The following PPP1R14D variants were observed in gnomAD, a reference collection of about 807,000 sequenced individuals.
The protein encoded by PPP1R14D is protein phosphatase 1 regulatory inhibitor subunit 14D.
Under a neutral mutation model 17.1 loss-of-function variants are expected in PPP1R14D, and 14 were observed. The ratio of observed to expected loss-of-function variants is 0.82; its 90% CI spans 0.54 to 1.28. The LOEUF (loss-of-function observed/expected upper bound fraction) is 1.28. Among genes scored for constraint, PPP1R14D ranks in the 50% most tolerant of loss-of-function variants. The probability of loss-of-function intolerance (pLI) is 0.00; values close to 1 mark genes in which losing one functional copy is unlikely to be tolerated. For missense variants in PPP1R14D, 173 were observed against 179.2 expected (o/e 0.97, Z 0.20); for synonymous variants, 67 against 66.1 (o/e 1.01, Z -0.06).
At chr15:40,821,335 AAAAC>A (rs554544484) in intron 1 of PPP1R14D, among the ~76,000 whole-genome samples, 137 of 152,202 alleles carry the variant, frequency 9.0e-4, no homozygotes, top group Non-Finnish European at 1.0e-3. Context: ...AGTCTGTCTC[AAAAC>A]AAACAAACAA....
chr15:40,827,923 A>AAAAC (rs1454221226), intron 1 of PPP1R14D, among the ~76,000 whole-genome samples: 1 of 150,870 alleles, frequency 6.6e-6, no homozygotes, highest in Non-Finnish European at 1.5e-5. Context: ...CTTTGTCTCA[A>AAAAC]AAACAAACAA....
intron 1 of PPP1R14D, among the ~76,000 whole-genome samples, chr15:40,826,265 A>T (rs1890867485): frequency 6.6e-6 from 1 of 152,086 alleles, no homozygotes; most frequent in Non-Finnish European, 1.5e-5. Context: ...CACAACAATC[A>T]TTCTTCACCA....
chr15:40,816,311 G>C, intron 1 of PPP1R14D, 58 bp from the exon 2 acceptor site: 1 of 1,444,028 alleles, frequency 6.9e-7, no homozygotes, highest in South Asian at 1.1e-5. Flanking sequence ...TGGAATGAAG[G>C]TTACTGTCAG....
chr15:40,823,716 G>A (rs1596128622), intron 1 of PPP1R14D, among the ~76,000 whole-genome samples: 1 of 152,122 alleles, frequency 6.6e-6, no homozygotes, highest in Non-Finnish European at 1.5e-5. Flanking sequence ...GCCTACATGT[G>A]TGGTAGGCTA....
Position 40,815,506 on chromosome 15 carries a change from C to T in PPP1R14D, c.*190G>A. 1 of 700,138 alleles carries T rather than the reference C, an allele frequency of 1.4e-6. No individual in the cohort carries two copies. Among genetic ancestry groups the T allele is most frequent in the Non-Finnish European group, 2.3e-6 (1 of 431,612 alleles). 43.4% of individuals were successfully genotyped at this position (700,138 alleles called of 1,614,324 possible). A position where few individuals can be genotyped will look rare whatever the true frequency, so the allele number is the denominator to read the frequency against. The stretch of plus-strand genomic sequence containing the variant: ...TGCCAAGGAAGGCATTGGACAACAG[C>T]CAGCTTTCTCCCAGAGAGCCCAGCT... On this transcript the variant is annotated 3_prime_UTR_variant, in exon 4 of 4. Transcript: ENST00000299174.
At chr15:40,826,142 C>T (rs1596130131) in intron 1 of PPP1R14D, among the ~76,000 whole-genome samples, 1 of 152,302 alleles carries the variant, frequency 6.6e-6, no homozygotes, top group East Asian at 1.9e-4. Context: ...TCCAAGGGGT[C>T]TCCCTACCCT....
Position 40,821,468 on chromosome 15 carries a change from A to C in PPP1R14D, c.256-5215T>G, listed in dbSNP as rs185093303. Reference sequence around the variant, plus strand: ...GAAAAAAAAAAGGTCAGTTGAAGATATAGCAAATGAAATGAGCCAAAATGA... The same window carrying C: ...GAAAAAAAAAAGGTCAGTTGAAGATCTAGCAAATGAAATGAGCCAAAATGA... On this transcript the variant is annotated intron_variant, in intron 1 of 3. Transcript: ENST00000299174. Among the ~76,000 whole-genome samples the C allele has an allele frequency of 3.3e-3, 503 of 152,296 alleles. 3 individuals carry two copies. The highest frequency in any genetic ancestry group is 0.012 in the African/African-American group (487 of 41,558).
chr15:40,818,954 C>G (rs796517379), intron 1 of PPP1R14D, among the ~76,000 whole-genome samples: 9 of 152,012 alleles, frequency 5.9e-5, no homozygotes, highest in African/African-American at 2.2e-4. Context: ...ACATATGTGG[C>G]GGCAGGGAGA....
chr15:40,827,875 T>C (rs1890895869), intron 1 of PPP1R14D, among the ~76,000 whole-genome samples: 2 of 152,028 alleles, frequency 1.3e-5, no homozygotes, highest in South Asian at 2.1e-4. Flanking sequence ...TGAGCTGAGA[T>C]TGCACTACTG....
chr15:40,824,070 T>C (rs994907023), intron 1 of PPP1R14D, among the ~76,000 whole-genome samples: 4 of 150,384 alleles, frequency 2.7e-5, no homozygotes, highest in African/African-American at 9.8e-5. Context: ...GTCCAAATAC[T>C]CTTGCCCTCA....
intron 1 of PPP1R14D, among the ~76,000 whole-genome samples, chr15:40,821,954 C>T (rs986567617): frequency 6.6e-6 from 1 of 151,870 alleles, no homozygotes. Context: ...ACAAAACACA[C>T]TCTAATGATT....
intron 3 of PPP1R14D, 43 bp from the exon 4 acceptor site, chr15:40,815,804 TC>T: frequency 6.4e-7 from 1 of 1,553,696 alleles, no homozygotes; most frequent in Non-Finnish European, 8.8e-7. Context: ...GGGTCACAAT[TC>T]ACCCCCCACC....
At chr15:40,815,862 G>A in intron 3 of PPP1R14D, 100 bp downstream of exon 3, 2 of 1,539,102 alleles carry the variant, frequency 1.3e-6, no homozygotes, top group Non-Finnish European at 8.9e-7. Flanking sequence ...AGAGAAGGGA[G>A]AAGGACCCAC....
intron 1 of PPP1R14D, among the ~76,000 whole-genome samples, chr15:40,828,009 A>G (rs1890899551): frequency 6.6e-6 from 1 of 152,222 alleles, no homozygotes; most frequent in Non-Finnish European, 1.5e-5. Context: ...AGCTCCGGAC[A>G]TGTATGTGCA....
chr15:40,815,579 C>T lies in PPP1R14D; in HGVS notation c.*117G>A. ...ACAGACAGTAGGAGTATGCAAATGTCCCTCCTTGTCCACATTTCTTGTTTG... is the reference window on the plus strand; with the variant it reads ...ACAGACAGTAGGAGTATGCAAATGTTCCTCCTTGTCCACATTTCTTGTTTG... On this transcript the variant is annotated 3_prime_UTR_variant, in exon 4 of 4. Transcript: ENST00000299174. The T allele has an allele frequency of 7.9e-7, 1 of 1,272,358 alleles. No individual in the cohort carries two copies. The highest frequency in any genetic ancestry group is 1.5e-5 in the South Asian group (1 of 68,364). The allele number at this position is 1,272,358 out of a possible 1,614,324, so 78.8% of individuals were successfully genotyped here. A position where few individuals can be genotyped will look rare whatever the true frequency, so the allele number is the denominator to read the frequency against.
chr15:40,825,939 A>C (rs1342469923), intron 1 of PPP1R14D, among the ~76,000 whole-genome samples: 2 of 152,218 alleles, frequency 1.3e-5, no homozygotes, highest in Non-Finnish European at 2.9e-5. Flanking sequence ...TTCATCTTGC[A>C]AAACAAGGTT....
At position 40,816,008 on chromosome 15, in the gene PPP1R14D, A is replaced by G. The variant is rs769863454; in HGVS notation, c.340-14T>C. ...CCCAAGAATGGCCTAGATAGGAGAG[A>G]ACACAGACAGGGCCCCAAGTCACAG... is the stretch of plus-strand genomic sequence containing the variant. On this transcript the variant is annotated splice_polypyrimidine_tract_variant and intron_variant, in intron 2 of 3. Coordinates refer to ENST00000299174, the MANE Select transcript of PPP1R14D (RefSeq NM_017726.8). 6.2e-7 allele frequency: 1 copy of G among 1,614,006 alleles called. No individual in the cohort carries two copies. Among genetic ancestry groups the G allele is most frequent in the East Asian group, 2.2e-5 (1 of 44,876 alleles).
rs202052943 is a variant in PPP1R14D, at chr15:40,816,024, C to G, written c.340-30G>C. On this transcript the variant is annotated intron_variant, in intron 2 of 3. Coordinates refer to ENST00000299174, the MANE Select transcript of PPP1R14D (RefSeq NM_017726.8). ...ATAGGAGAGAACACAGACAGGGCCC[C>G]AAGTCACAGCACTTTCCCGCAAGTC... 3.6e-5 allele frequency: 58 copies of G among 1,613,510 alleles called. 1 individual carries two copies. The East Asian group carries it at 1.2e-3, about 34-fold the overall frequency.
chr15:40,820,044 T>TGAGG (rs1215046441), intron 1 of PPP1R14D, among the ~76,000 whole-genome samples: 4 of 151,504 alleles, frequency 2.6e-5, no homozygotes, highest in Admixed American at 6.6e-5. Flanking sequence ...TTTTGTATTT[T>TGAGG]TAGTAGAGAT....
Sources: gnomAD v4.1 joint callset for allele counts (sites outside exome capture counted in the v4.1 genomes callset) on GRCh38, gnomAD v4.1.1 for gene constraint, MANE v1.5 for transcripts, NCBI Gene and HGNC (gene_info 2026-07-23, HGNC 2026-07-21) for gene names.